Variants in POLN observed in about 807,000 individuals in gnomAD.
POLN encodes DNA polymerase nu.
A neutral mutation model predicts 113.5 loss-of-function variants in POLN; 108 were observed. The observed-to-expected ratio is 0.95, with a 90% confidence interval of 0.81 to 1.12. The LOEUF (loss-of-function observed/expected upper bound fraction) is 1.12, where lower values mean the gene tolerates loss of function less well. Ranked by LOEUF, POLN falls within the 50% of genes most tolerant of loss-of-function variation. The pLI is 0.00. For synonymous variants in POLN, 386 were observed against 391.5 expected (o/e 0.99, Z 0.17); for missense variants, 1,097 against 1,077.1 (o/e 1.02, Z -0.26).
intron 7 of POLN, among the ~76,000 whole-genome samples, chr4:2,190,582 G>C (rs1369742732): frequency 1.3e-5 from 2 of 151,262 alleles, no homozygotes; most frequent in Admixed American, 6.6e-5. Context: ...ACAATAGAGT[G>C]AACAGACAAC....
chr4:2,234,741 A>G (rs1197735527), intron 2 of POLN, among the ~76,000 whole-genome samples: 1 of 152,242 alleles, frequency 6.6e-6, no homozygotes, highest in Non-Finnish European at 1.5e-5. Flanking sequence ...ATCACCAGGA[A>G]TAGTCATTAT....
chr4:2,150,870 G>T (rs903388175), intron 16 of POLN, among the ~76,000 whole-genome samples: 1 of 151,968 alleles, frequency 6.6e-6, no homozygotes, highest in African/African-American at 2.4e-5. Context: ...ACTATAATAC[G>T]TCTAGAAAAA....
intron 3 of POLN, among the ~76,000 whole-genome samples, chr4:2,222,739 A>C (rs1051199137): frequency 1.5e-5 from 2 of 137,594 alleles, no homozygotes; most frequent in East Asian, 4.4e-4. Context: ...TATTATTCCC[A>C]GCCACAGCCA....
rs34514922 is a variant in POLN, at chr4:2,229,402, TAGAA to T, written c.-12-163_-12-160del. On this transcript the variant is annotated intron_variant, in intron 2 of 25. Coordinates refer to ENST00000511885, the MANE Select transcript of POLN (RefSeq NM_181808.4). Reference sequence around the variant, plus strand: ...GGCATCAATCATCCAATAATATAGATAGAAAGAAAAAAGCAAAATAGCTAGAGGC... The same window carrying T: ...GGCATCAATCATCCAATAATATAGATAGAAAAAAGCAAAATAGCTAGAGGC... 0.01 allele frequency: 6,032 copies of T among 582,962 alleles called. 314 individuals are homozygous for T. The African/African-American group carries it at 0.11, about 10-fold the overall frequency. 36.1% of individuals were successfully genotyped at this position (582,962 alleles called of 1,614,324 possible).
At chr4:2,193,418 C>T (rs1384517564) in intron 6 of POLN, 102 bp from the exon 7 acceptor site, 4 of 650,816 alleles carry the variant, frequency 6.1e-6, no homozygotes, top group Non-Finnish European at 7.8e-6. Context: ...ACTTAGATAG[C>T]ACATACACAC....
chr4:2,090,221 A>C, intron 20 of POLN: 1 of 812,892 alleles, frequency 1.2e-6, no homozygotes, highest in East Asian at 2.4e-5. Flanking sequence ...CTCTTCCCTC[A>C]TTCTTGTCCT....
chr4:2,182,557 G>A (rs1000335462), intron 7 of POLN, among the ~76,000 whole-genome samples: 1 of 152,222 alleles, frequency 6.6e-6, no homozygotes, highest in Middle Eastern at 3.4e-3. Context: ...CCAGCCCCCA[G>A]AACTGTAAGA....
chr4:2,179,791 C>CGT (rs1351734736), intron 7 of POLN, among the ~76,000 whole-genome samples: 2 of 152,110 alleles, frequency 1.3e-5, no homozygotes, highest in African/African-American at 4.8e-5. Flanking sequence ...AAGTCAGAGT[C>CGT]GTGGGTCATG....
At chr4:2,235,115 AC>A (rs1412501046) in intron 2 of POLN, among the ~76,000 whole-genome samples, 1 of 152,154 alleles carries the variant, frequency 6.6e-6, no homozygotes, top group African/African-American at 2.4e-5. Flanking sequence ...TGAACTCCTG[AC>A]CTTGTGATCC....
At position 2,129,257 on chromosome 4, in the gene POLN, C is replaced by T. The variant is rs200798244; in HGVS notation, c.1790-1G>A. 3 of 1,578,086 alleles carry T rather than the reference C, an allele frequency of 1.9e-6. No individual in the cohort carries two copies. The highest frequency in any genetic ancestry group is 2.7e-5 in the African/African-American group (2 of 74,110). The stretch of plus-strand genomic sequence containing the variant: ...ATCGTGAGAATCTTGTCTTCTTTAC[C>T]TGAATTGTTATTTCAAGAGCATTTA... On this transcript the variant is annotated splice_acceptor_variant, in intron 17 of 25. Coordinates refer to ENST00000511885, the MANE Select transcript of POLN (RefSeq NM_181808.4). LOFTEE classifies it high-confidence loss of function.
intron 6 of POLN, among the ~76,000 whole-genome samples, chr4:2,195,291 A>G (rs1054713796): frequency 6.6e-6 from 1 of 152,204 alleles, no homozygotes; most frequent in Non-Finnish European, 1.5e-5. Flanking sequence ...ATTCAATGAT[A>G]ATATTGAATA....
chr4:2,087,834 A>AT (rs896905130), intron 20 of POLN, among the ~76,000 whole-genome samples: 28 of 147,902 alleles, frequency 1.9e-4, no homozygotes, highest in East Asian at 5.9e-4. Context: ...AAGGGGTGCT[A>AT]TTTTTTTTTT....
chr4:2,240,714 T>A lies in POLN; in HGVS notation c.-13+806A>T. ...AGTTTTACACGTTTTAAGAGCTTCA[T>A]CCAATGCCGCCCCTTCTAGAATAGG... On this transcript the variant is annotated intron_variant, in intron 2 of 25. Coordinates refer to ENST00000511885, the MANE Select transcript of POLN (RefSeq NM_181808.4). The A allele has an allele frequency of 6.2e-7, 1 of 1,614,084 alleles. No homozygotes were observed.
chr4:2,098,211 C>A (rs777971242), intron 19 of POLN, among the ~76,000 whole-genome samples: 5 of 152,010 alleles, frequency 3.3e-5, no homozygotes, highest in Admixed American at 6.6e-5. Context: ...GCCAGGAGTT[C>A]GAAACCAGCC....
chr4:2,182,823 C>G lies in POLN; in HGVS notation c.1022-3358G>C, dbSNP rs568965617. Among the ~76,000 whole-genome samples, 41 of 134,490 alleles carry G rather than the reference C, an allele frequency of 3.0e-4. 1 individual carries two copies. The highest frequency in any genetic ancestry group is 1.4e-3 in the African/African-American group (40 of 29,116). 88.2% of individuals were successfully genotyped at this position (134,490 alleles called of 152,430 possible). On this transcript the variant is annotated intron_variant, in intron 7 of 25. Coordinates refer to ENST00000511885, the MANE Select transcript of POLN (RefSeq NM_181808.4). ...AGAAAACACAAATAAATCGGATTTC[C>G]TTAAAAAAAAAAAAGTGTGCTTCAA... is the stretch of plus-strand genomic sequence containing the variant.
chr4:2,218,277 C>CAAA (rs376746658), intron 3 of POLN, among the ~76,000 whole-genome samples: 1,317 of 89,786 alleles, frequency 0.015, 22 homozygotes, highest in East Asian at 0.04. Flanking sequence ...ACTAAAAATA[C>CAAA]AAAAAAAAAA....
intron 16 of POLN, chr4:2,140,772 G>T (rs1340690367): frequency 6.6e-6 from 1 of 152,098 alleles, no homozygotes; most frequent in East Asian, 1.9e-4. Context: ...ATTGCCACTT[G>T]TGGAGGACAC....
At chr4:2,079,880 C>T in intron 23 of POLN, 1 of 985,588 alleles carries the variant, frequency 1.0e-6, no homozygotes, top group Non-Finnish European at 1.2e-6. Context: ...CCACTGTGCC[C>T]AGCCGAGAGT....
intron 13 of POLN, among the ~76,000 whole-genome samples, chr4:2,165,408 T>C (rs997461554): frequency 6.6e-6 from 1 of 152,192 alleles, no homozygotes; most frequent in Non-Finnish European, 1.5e-5. Flanking sequence ...ACAGTGGCTG[T>C]CAGGGGCTGG....
Sources: allele counts gnomAD v4.1 joint callset (sites outside exome capture counted in the v4.1 genomes callset), GRCh38; gene constraint gnomAD v4.1.1; transcripts MANE v1.5; gene names NCBI Gene and HGNC (gene_info 2026-07-23, HGNC 2026-07-21).